FTCDNL1: variants seen among roughly 807,000 people sequenced by gnomAD.
The protein encoded by FTCDNL1 is formiminotransferase cyclodeaminase N-terminal like.
In FTCDNL1, 11 loss-of-function variants were observed where a neutral mutation model predicts 5.9. The observed-to-expected ratio is 1.87, with a 90% CI of 1.18 to 3.10. The LOEUF is 3.10. Ranked by LOEUF, FTCDNL1 falls within the 30% of genes most tolerant of loss-of-function variation. The pLI, the probability that FTCDNL1 is intolerant of heterozygous loss-of-function variation, is 0.00. For synonymous variants in FTCDNL1, 58 were observed against 24.8 expected (o/e 2.34, Z -3.99); for missense variants, 115 against 65.5 (o/e 1.76, Z -2.61).
the FTCDNL1 span, among the ~76,000 whole-genome samples, chr2:199,672,449 A>G: frequency 1.3e-5 from 2 of 152,046 alleles, no homozygotes; most frequent in African/African-American, 4.8e-5. Flanking sequence ...GAGAGTGTAT[A>G]TCTATGGCTG....
At chr2:199,803,622 G>T (rs1371415413) in intron 3 of FTCDNL1, among the ~76,000 whole-genome samples, 1 of 152,032 alleles carries the variant, frequency 6.6e-6, no homozygotes, top group South Asian at 2.1e-4. Context: ...GTATCACCAC[G>T]CCTGGCTAAT....
the FTCDNL1 span, among the ~76,000 whole-genome samples, chr2:199,712,997 C>T: frequency 6.6e-6 from 1 of 152,168 alleles, no homozygotes; most frequent in South Asian, 2.1e-4. Flanking sequence ...ATTCAACCTA[C>T]AACAGTTTCT....
intron 3 of FTCDNL1, among the ~76,000 whole-genome samples, chr2:199,771,182 T>G (rs144955691): frequency 5.9e-5 from 9 of 152,350 alleles, no homozygotes; most frequent in African/African-American, 2.2e-4. Flanking sequence ...TAGCAACTGA[T>G]GACACCATTC....
chr2:199,705,100 T>C, the FTCDNL1 span, among the ~76,000 whole-genome samples: 1 of 152,082 alleles, frequency 6.6e-6, no homozygotes, highest in East Asian at 1.9e-4. Context: ...ACAAGGGAGA[T>C]GGACATGGAT....
At chr2:199,843,387 C>G (rs1454766817) in intron 3 of FTCDNL1, among the ~76,000 whole-genome samples, 4 of 152,174 alleles carry the variant, frequency 2.6e-5, no homozygotes, top group Non-Finnish European at 5.9e-5. Context: ...TTATTCTGGT[C>G]TGGACAATTC....
intron 3 of FTCDNL1, among the ~76,000 whole-genome samples, chr2:199,797,703 A>G (rs1015462181): frequency 2.7e-4 from 41 of 152,202 alleles, no homozygotes; most frequent in Admixed American, 2.4e-3. Flanking sequence ...AGTGTTTGAG[A>G]GATTCAGCTA....
At chr2:199,718,000 C>A in the FTCDNL1 span, among the ~76,000 whole-genome samples, 91 of 122,208 alleles carry the variant, frequency 7.4e-4, no homozygotes, top group South Asian at 0.012. Context: ...AAAAAAAAAA[C>A]AAAAAAAACG....
chr2:199,804,855 A>T (rs1299533676), downstream of FTCDNL1, among the ~76,000 whole-genome samples: 1 of 152,238 alleles, frequency 6.6e-6, no homozygotes, highest in Non-Finnish European at 1.5e-5. Context: ...TCACAAAAAA[A>T]ATTGTCAACA....
In FTCDNL1 at chr2:199,786,292, C is replaced by G. The variant is rs553246095; in HGVS notation, c.212-25457G>C. Reference sequence around the variant, plus strand: ...ATATGCATACACATAATGGGGACTTCAGAACTTTAAAAAGGGGTGTCACTT... The same window carrying G: ...ATATGCATACACATAATGGGGACTTGAGAACTTTAAAAAGGGGTGTCACTT... On this transcript the variant is annotated intron_variant, in intron 3 of 3. Coordinates refer to the FTCDNL1 transcript ENST00000416668. 2.0e-5 allele frequency among the ~76,000 whole-genome samples: 3 copies of G among 151,902 alleles called. No homozygotes were observed. In the South Asian group the frequency reaches 6.2e-4, roughly 32 times the overall value.
the FTCDNL1 span, among the ~76,000 whole-genome samples, chr2:199,701,268 C>T: frequency 3.0e-5 from 3 of 98,788 alleles, no homozygotes; most frequent in African/African-American, 1.2e-4. Flanking sequence ...TACCATCTTA[C>T]ACCAGTCAGA....
intron 3 of FTCDNL1, among the ~76,000 whole-genome samples, chr2:199,827,085 A>C (rs1295297788): frequency 6.6e-6 from 1 of 152,210 alleles, no homozygotes; most frequent in Non-Finnish European, 1.5e-5. Flanking sequence ...ACACCTAGGC[A>C]CTGCAGCCTC....
the FTCDNL1 span, among the ~76,000 whole-genome samples, chr2:199,673,690 A>T: frequency 6.6e-6 from 1 of 152,360 alleles, no homozygotes; most frequent in Admixed American, 6.5e-5. Context: ...GAGATGAAAT[A>T]GATATAAGAA....
the FTCDNL1 span, among the ~76,000 whole-genome samples, chr2:199,727,700 A>G: frequency 2.0e-5 from 3 of 152,090 alleles, no homozygotes; most frequent in Non-Finnish European, 1.5e-5. Context: ...AGCTGCTTCT[A>G]ATCAGCCATC....
intron 3 of FTCDNL1, among the ~76,000 whole-genome samples, chr2:199,821,325 T>A (rs1347744250): frequency 2.6e-5 from 4 of 150,944 alleles, no homozygotes; most frequent in South Asian, 2.1e-4. Flanking sequence ...AATTTTTTTT[T>A]TTTTTTTTTT....
In FTCDNL1 at chr2:199,850,821, G is replaced by C. The variant is rs570254906; in HGVS notation, c.-89C>G. The C allele has an allele frequency of 4.6e-5, 7 of 152,464 alleles. No homozygotes were observed. The highest frequency in any genetic ancestry group is 1.7e-4 in the African/African-American group (7 of 41,586). The allele number at this position is 152,464 out of a possible 1,614,324, so 9.4% of individuals were successfully genotyped here. ...GCTGCCGCAACGCGTGCTGGGGCCA[G>C]AACCCCGCTGCTGGGATTCCCTGCG... On this transcript the variant is annotated 5_prime_UTR_variant, in exon 1 of 5. Coordinates refer to ENST00000420128, the MANE Select transcript of FTCDNL1 (RefSeq NM_001363886.2).
chr2:199,669,884 A>C, the FTCDNL1 span, among the ~76,000 whole-genome samples: 5 of 152,156 alleles, frequency 3.3e-5, no homozygotes, highest in Non-Finnish European at 7.4e-5. Context: ...TTTTATAATA[A>C]AATATAATTT....
At chr2:199,692,869 A>G in the FTCDNL1 span, among the ~76,000 whole-genome samples, 1 of 152,212 alleles carries the variant, frequency 6.6e-6, no homozygotes, top group Non-Finnish European at 1.5e-5. Flanking sequence ...TTATTTTTGT[A>G]TTGTCTTTGT....
the FTCDNL1 span, among the ~76,000 whole-genome samples, chr2:199,703,613 G>A: frequency 6.6e-6 from 1 of 152,166 alleles, no homozygotes; most frequent in South Asian, 2.1e-4. Flanking sequence ...TGCATTAGAG[G>A]GTTTGAGCAA....
chr2:199,822,481 G>T (rs2689762), intron 3 of FTCDNL1, among the ~76,000 whole-genome samples: 125,523 of 152,212 alleles, frequency 0.82, 51,856 homozygotes, highest in Admixed American at 0.89. Flanking sequence ...TGGACATTCT[G>T]GCCTTCATCT....
Sources: allele counts gnomAD v4.1 joint callset (sites outside exome capture counted in the v4.1 genomes callset), GRCh38; gene constraint gnomAD v4.1.1; transcripts MANE v1.5; gene names NCBI Gene and HGNC (gene_info 2026-07-23, HGNC 2026-07-21).